KANSL1: variants seen among roughly 807,000 people sequenced by gnomAD.
KANSL1 encodes the protein MLL1/MLL complex subunit KANSL1.
Under a neutral mutation model 103.6 loss-of-function variants are expected in KANSL1, and 22 were observed. That is an observed-to-expected ratio of 0.21 (90% CI 0.15 to 0.30). The LOEUF is 0.30. Ranked by LOEUF, KANSL1 falls within the 10% of genes least tolerant of loss-of-function variation. The pLI is 1.00. For missense variants in KANSL1, 1,337 were observed against 1,399.8 expected, an observed-to-expected ratio of 0.96 and a Z score of 0.72; for synonymous variants, 600 against 527.6, an observed-to-expected ratio of 1.14 and a Z score of -1.88.
At chr17:46,154,461 T>C (rs2532296) in intron 2 of KANSL1, among the ~76,000 whole-genome samples, 18,648 of 150,252 alleles carry the variant, frequency 0.12, 22 homozygotes, top group Middle Eastern at 0.19. Context: ...TTGTGGTTTA[T>C]TGTACAGATG....
intron 1 of KANSL1, chr17:46,221,833 G>C (rs1345112009): frequency 2.6e-5 from 4 of 151,866 alleles, no homozygotes; most frequent in Non-Finnish European, 4.4e-5. Flanking sequence ...CTTAAATTAA[G>C]TAGCTCCAAT....
upstream of KANSL1, among the ~76,000 whole-genome samples, chr17:46,196,949 A>C (rs1411933048): frequency 6.6e-6 from 1 of 152,128 alleles, no homozygotes; most frequent in Non-Finnish European, 1.5e-5. Flanking sequence ...TCTTCAAAAA[A>C]TAAATAATAA....
At position 46,062,647 on chromosome 17, in the gene KANSL1, T is replaced by C. The variant is rs2078219753; in HGVS notation, c.1848+3890A>G. On this transcript the variant is annotated intron_variant, in intron 6 of 14. Transcript: ENST00000432791. ...TGCTGGGATTACAGGCATGAGCCAC[T>C]GTGCCTGGCCAGCCTTTTTAAGGGC... is the stretch of plus-strand genomic sequence containing the variant. 2.0e-5 allele frequency among the ~76,000 whole-genome samples: 3 copies of C among 151,478 alleles called. No homozygotes were observed. In the South Asian group the frequency reaches 6.3e-4, roughly 32 times the overall value.
In KANSL1 at chr17:46,066,683, C is replaced by G; in HGVS notation, c.1702G>C (p.Glu568Gln). The G allele has an allele frequency of 6.2e-7, 1 of 1,614,126 alleles. No individual in the cohort carries two copies. ...DHIPGDSSDA[E>Q]EQLHKKQRLN... Reference sequence around the variant, plus strand: ...CGTTGCTTCTTATGTAATTGTTCCTCAGCATCAGAGCTGTCACCTGGAATG... The same window carrying G: ...CGTTGCTTCTTATGTAATTGTTCCTGAGCATCAGAGCTGTCACCTGGAATG... The change falls in exon 6 of 15, where the codon GAG (glutamate) becomes CAG (glutamine). Residue 568 changes from glutamate to glutamine, a missense_variant. Transcript: ENST00000432791.
Position 46,171,437 on chromosome 17 carries a change from G to A in KANSL1, c.707C>T (p.Ser236Phe). The A allele has an allele frequency of 9.9e-6, 16 of 1,614,060 alleles. No individual in the cohort carries two copies. Among genetic ancestry groups the A allele is most frequent in the Non-Finnish European group, 1.4e-5 (16 of 1,180,018 alleles). The change falls in exon 2 of 15, where the codon TCC becomes TTC. Residue 236 changes from serine (S) to phenylalanine (F), a missense_variant. Ser to Phe is a radical substitution (Grantham distance 155). This residue lies in a region of KANSL1 where 557 missense variants were observed against 476.4 expected (regional missense o/e 1.17). Transcript: ENST00000432791. ...TCCTTGAAGTGCCGGCTGTTCCATG[G>A]AATTGACAGAGGATTTGTTTGCAGT... ...NSTANKSSVNSMEQPALQGSS... is the reference protein window; with the variant it reads ...NSTANKSSVNFMEQPALQGSS...
At chr17:46,104,447 G>C (rs1214670136) in intron 2 of KANSL1, among the ~76,000 whole-genome samples, 1 of 152,070 alleles carries the variant, frequency 6.6e-6, no homozygotes, top group Non-Finnish European at 1.5e-5. Context: ...TTTGTTATTT[G>C]TATGTGCTAT....
At chr17:46,070,710 G>T (rs553433888) in intron 4 of KANSL1, among the ~76,000 whole-genome samples, 27 of 151,800 alleles carry the variant, frequency 1.8e-4, no homozygotes, top group Admixed American at 8.5e-4. Flanking sequence ...TTTTTATTTC[G>T]GCATTAAATT....
chr17:46,131,586 A>G (rs2043863623), intron 2 of KANSL1, among the ~76,000 whole-genome samples: 1 of 152,248 alleles, frequency 6.6e-6, no homozygotes, highest in African/African-American at 2.4e-5. Context: ...CATCACATGA[A>G]TTACTGCAAT....
chr17:46,109,301 T>C (rs1043972501), intron 2 of KANSL1, among the ~76,000 whole-genome samples: 15 of 152,196 alleles, frequency 9.9e-5, no homozygotes, highest in Non-Finnish European at 2.2e-4. Flanking sequence ...ACTATAGATG[T>C]TCCAGAGTAA....
intron 2 of KANSL1, among the ~76,000 whole-genome samples, chr17:46,160,702 CT>C (rs1292801251): frequency 6.6e-6 from 1 of 152,162 alleles, no homozygotes; most frequent in Non-Finnish European, 1.5e-5. Flanking sequence ...TATACCTTTC[CT>C]CAAAAAATAC....
chr17:46,088,840 G>A (rs1337257848), intron 3 of KANSL1, among the ~76,000 whole-genome samples: 2 of 152,216 alleles, frequency 1.3e-5, no homozygotes, highest in African/African-American at 2.4e-5. Context: ...AAAGAACTAT[G>A]ATCTGGCCAT....
upstream of KANSL1, among the ~76,000 whole-genome samples, chr17:46,224,024 T>C (rs987385161): frequency 1.6e-4 from 25 of 152,052 alleles, no homozygotes; most frequent in African/African-American, 5.8e-4. Context: ...ACACGTATTT[T>C]AGATAATGTA....
Position 46,171,734 on chromosome 17 carries a change from T to C in KANSL1, c.410A>G (p.Asn137Ser). 2 of 1,578,952 alleles carry C rather than the reference T, an allele frequency of 1.3e-6. No homozygotes were observed. The highest frequency in any genetic ancestry group is 1.4e-5 in the African/African-American group (1 of 73,038). ...ACCACTCGTATTCATGGTTCTAAGA[T>C]TTTCTAAGGAAAACTCCAAAACTGG... is the stretch of plus-strand genomic sequence containing the variant. Reference protein sequence around the residue: ...RQPVLEFSLENLRTMNTSGQT... With the variant: ...RQPVLEFSLESLRTMNTSGQT... Residue 137 changes from asparagine (N) to serine (S), a missense_variant, in exon 2 of 15, where the codon AAT (asparagine) becomes AGT (serine). Transcript: ENST00000432791.
chr17:46,114,964 C>A (rs1375567288), intron 2 of KANSL1, among the ~76,000 whole-genome samples: 1 of 152,144 alleles, frequency 6.6e-6, no homozygotes, highest in African/African-American at 2.4e-5. Context: ...AAGATCTGTC[C>A]AGATTTAGGT....
At chr17:46,154,756 T>C (rs969950572) in intron 2 of KANSL1, among the ~76,000 whole-genome samples, 5 of 152,160 alleles carry the variant, frequency 3.3e-5, no homozygotes, top group Non-Finnish European at 5.9e-5. Context: ...GAGGGTGTGG[T>C]GGGGGGAAGG....
chr17:46,213,651 T>A (rs1303582815), intron 1 of KANSL1, among the ~76,000 whole-genome samples: 1 of 148,936 alleles, frequency 6.7e-6, no homozygotes, highest in Non-Finnish European at 1.5e-5. Flanking sequence ...GTGCAGTGGC[T>A]CACACCTGTA....
chr17:46,171,644 T>C lies in KANSL1; in HGVS notation c.500A>G (p.His167Arg), dbSNP rs779594202. ...GGAAGTGGAATTGTCATGATCAGAA[T>C]GTGTTGAACTTTTAGTCAATTTCTT... ...LAKKLTKSST[H>R]SDHDNSTSLN... is the part of the protein sequence containing the mutation. The change falls in exon 2 of 15, where the codon CAT becomes CGT. Residue 167 changes from histidine (H) to arginine (R), a missense_variant. His to Arg is a conservative substitution (Grantham distance 29, BLOSUM62 0). Around this residue, in one of 2 missense-constraint regions of KANSL1, gnomAD observed 557 missense variants for 476.4 expected, o/e 1.17. Coordinates refer to ENST00000432791, the MANE Select transcript of KANSL1 (RefSeq NM_015443.4). 1.2e-5 allele frequency: 18 copies of C among 1,557,192 alleles called. No homozygotes were observed. The Admixed American group carries it at 2.7e-4, about 23-fold the overall frequency.
At chr17:46,094,284 A>G (rs2079528760) in intron 3 of KANSL1, 1 of 407,072 alleles carries the variant, frequency 2.5e-6, no homozygotes, top group African/African-American at 2.2e-5. Context: ...TTTTGTAAAG[A>G]CAAGGTCTCA....
chr17:46,101,775 A>G (rs2042330471), intron 2 of KANSL1, among the ~76,000 whole-genome samples: 3 of 147,862 alleles, frequency 2.0e-5, no homozygotes, highest in South Asian at 4.2e-4. Context: ...AAAAAAAAAA[A>G]AAAAGAAATA....
Sources: allele counts gnomAD v4.1 joint callset (sites outside exome capture counted in the v4.1 genomes callset), GRCh38; gene constraint gnomAD v4.1.1; regional missense constraint gnomAD v4.1.1; transcripts MANE v1.5; gene names NCBI Gene and HGNC (gene_info 2026-07-23, HGNC 2026-07-21).